The following DCAF17 variants were observed in gnomAD, a reference collection of about 807,000 sequenced individuals.
DCAF17 encodes the protein DDB1 and CUL4 associated factor 17.
Under a neutral mutation model 66.0 loss-of-function variants are expected in DCAF17, and 48 were observed. The ratio of observed to expected loss-of-function variants is 0.73; its 90% CI spans 0.58 to 0.92. DCAF17 has a LOEUF of 0.92. DCAF17 is among the 40% of genes least tolerant of loss of function. The probability of loss-of-function intolerance (pLI) is 0.00; values close to 1 mark genes in which losing one functional copy is unlikely to be tolerated. For missense variants in DCAF17, 562 were observed against 622.8 expected (o/e 0.90, Z 1.04); for synonymous variants, 206 against 214.6 (o/e 0.96, Z 0.35).
chr2:171,453,041 A>T, intron 5 of DCAF17, 83 bp from the exon 6 acceptor site: 1 of 939,450 alleles, frequency 1.1e-6, no homozygotes, highest in Non-Finnish European at 1.6e-6. Context: ...ATGCTAGAAC[A>T]GATGGATTTT....
Position 171,484,150 on chromosome 2 carries a change from GT to G in DCAF17, c.*3040del, listed in dbSNP as rs1230710920. ...TTTGTGGTGATAATCAGTATTAGTA[GT>G]TTTCATATTATTTGGCTTCCATATT... On this transcript the variant is annotated 3_prime_UTR_variant, in exon 14 of 14. Coordinates refer to ENST00000375255, the MANE Select transcript of DCAF17 (RefSeq NM_025000.4). The G allele has an allele frequency of 2.2e-6, 1 of 449,130 alleles. No individual in the cohort carries two copies. Among genetic ancestry groups the G allele is most frequent in the African/African-American group, 2.0e-5 (1 of 49,580 alleles). 27.8% of individuals were successfully genotyped at this position (449,130 alleles called of 1,614,324 possible).
At chr2:171,461,979 A>G (rs908705934) in intron 8 of DCAF17, among the ~76,000 whole-genome samples, 2 of 152,162 alleles carry the variant, frequency 1.3e-5, no homozygotes, top group Non-Finnish European at 2.9e-5. Flanking sequence ...ATGTTGTTGC[A>G]TGTATCTATA....
At chr2:171,476,128 T>C (rs561216195) in intron 10 of DCAF17, among the ~76,000 whole-genome samples, 1 of 151,598 alleles carries the variant, frequency 6.6e-6, no homozygotes. Context: ...TCTGGACACA[T>C]AGCTGCTTCT....
intron 8 of DCAF17, 30 bp from the exon 9 acceptor site, chr2:171,468,858 G>A (rs1244303885): frequency 1.9e-6 from 3 of 1,614,018 alleles, no homozygotes; most frequent in Non-Finnish European, 2.5e-6. Context: ...GAACAGTGCA[G>A]CTAATGAATT....
Position 171,434,255 on chromosome 2 carries a change from G to A in DCAF17, c.-323G>A, listed in dbSNP as rs754795856. 9 of 504,942 alleles carry A rather than the reference G, an allele frequency of 1.8e-5. No homozygotes were observed. The Admixed American group carries it at 1.8e-4, about 10-fold the overall frequency. The allele number at this position is 504,942 out of a possible 1,614,324, so 31.3% of individuals were successfully genotyped here. On this transcript the variant is annotated 5_prime_UTR_variant, in exon 1 of 14. Coordinates refer to ENST00000375255, the MANE Select transcript of DCAF17 (RefSeq NM_025000.4). ...AGCCGGGCTGCCTCACGAGGCACTA[G>A]GAACTACATTTCCCGGTGAGAGAGC...
intron 2 of DCAF17, among the ~76,000 whole-genome samples, chr2:171,437,410 A>G (rs963422511): frequency 6.6e-6 from 1 of 152,032 alleles, no homozygotes; most frequent in Admixed American, 6.6e-5. Flanking sequence ...ACACTTTTGG[A>G]TTTATTTCCG....
At chr2:171,445,671 A>G (rs772741400) in intron 3 of DCAF17, among the ~76,000 whole-genome samples, 5 of 152,092 alleles carry the variant, frequency 3.3e-5, no homozygotes, top group Non-Finnish European at 7.4e-5. Flanking sequence ...TATATTTTTT[A>G]AAACTTAAAT....
At chr2:171,466,010 A>G (rs976905771) in intron 8 of DCAF17, among the ~76,000 whole-genome samples, 1 of 151,840 alleles carries the variant, frequency 6.6e-6, no homozygotes, top group Non-Finnish European at 1.5e-5. Context: ...TTTACTTAAC[A>G]TGTATCTAAA....
In DCAF17 at chr2:171,457,960, C is replaced by T; in HGVS notation, c.628-11C>T. 6.2e-7 allele frequency: 1 copy of T among 1,602,646 alleles called. No homozygotes were observed. Among genetic ancestry groups the T allele is most frequent in the South Asian group, 1.1e-5 (1 of 90,880 alleles). On this transcript the variant is annotated splice_polypyrimidine_tract_variant and intron_variant, in intron 6 of 13. Coordinates refer to ENST00000375255, the MANE Select transcript of DCAF17 (RefSeq NM_025000.4). ...CTTTTCTCAGGTGATATCTGTCTTT[C>T]CCCCCGCCAGATTTTTGGGAACGTT...
intron 2 of DCAF17, among the ~76,000 whole-genome samples, chr2:171,439,728 C>T (rs62183492): frequency 6.6e-6 from 1 of 151,486 alleles, no homozygotes; most frequent in African/African-American, 2.4e-5. Flanking sequence ...AGGAGTTCGA[C>T]ACCAGCCTGG....
At chr2:171,436,633 A>ATT (rs79275087) in intron 2 of DCAF17, among the ~76,000 whole-genome samples, 229 of 144,590 alleles carry the variant, frequency 1.6e-3, no homozygotes, top group African/African-American at 5.5e-3. Flanking sequence ...CCACTTGTAA[A>ATT]TTTTTTTTTT....
intron 6 of DCAF17, among the ~76,000 whole-genome samples, chr2:171,456,595 A>G (rs1027633718): frequency 7.2e-5 from 11 of 152,206 alleles, no homozygotes; most frequent in African/African-American, 2.7e-4. Context: ...TTTGGCCAAT[A>G]TGGCCATTTT....
rs1350956940 is a variant in DCAF17, at chr2:171,434,366, C to T, written c.-212C>T. 7.3e-6 allele frequency: 6 copies of T among 824,290 alleles called. No individual in the cohort carries two copies. Among genetic ancestry groups the T allele is most frequent in the Admixed American group, 2.0e-5 (1 of 49,362 alleles). 51.1% of individuals were successfully genotyped at this position (824,290 alleles called of 1,614,324 possible). ...CAGATCGAAAAGGGAGTGCTTCTTC[C>T]CTTCTCTCCGCGCTCTGGCGGTGCA... On this transcript the variant is annotated 5_prime_UTR_variant, in exon 1 of 14. Transcript: ENST00000375255.
At position 171,455,963 on chromosome 2, in the gene DCAF17, GTCTGTTGAC is replaced by G. The variant is rs1328242216; in HGVS notation, c.628-1999_628-1991del. ...AAAATGTTCTTCCATACTGTAGGAT[GTCTGTTGAC>G]TCTGTTGATGGTTTCTTTTGCTGTG... On this transcript the variant is annotated intron_variant, in intron 6 of 13. Coordinates refer to ENST00000375255, the MANE Select transcript of DCAF17 (RefSeq NM_025000.4). Among the ~76,000 whole-genome samples, 25 of 152,062 alleles carry G rather than the reference GTCTGTTGAC, an allele frequency of 1.6e-4. 1 individual carries two copies. Among genetic ancestry groups the G allele is most frequent in the African/African-American group, 5.8e-4 (24 of 41,424 alleles).
At chr2:171,455,331 A>G (rs956755497) in intron 6 of DCAF17, among the ~76,000 whole-genome samples, 2 of 152,216 alleles carry the variant, frequency 1.3e-5, no homozygotes, top group African/African-American at 2.4e-5. Context: ...TGCAAAGGAC[A>G]TGATCTTGTT....
At position 171,477,970 on chromosome 2, in the gene DCAF17, T is replaced by A. The variant is rs1452523283; in HGVS notation, c.1183-17T>A. The A allele has an allele frequency of 3.1e-6, 5 of 1,605,372 alleles. No homozygotes were observed. Among genetic ancestry groups the A allele is most frequent in the Non-Finnish European group, 3.4e-6 (4 of 1,172,178 alleles). ...AATAGAACTTGTCATATCTTTTTATTTCTTTCCATATGATAGAATGAAAAT... is the reference window on the plus strand; with the variant it reads ...AATAGAACTTGTCATATCTTTTTATATCTTTCCATATGATAGAATGAAAAT... On this transcript the variant is annotated splice_polypyrimidine_tract_variant and intron_variant, in intron 11 of 13. Coordinates refer to ENST00000375255, the MANE Select transcript of DCAF17 (RefSeq NM_025000.4).
chr2:171,474,084 C>T, intron 10 of DCAF17, 109 bp downstream of exon 10: 3 of 882,424 alleles, frequency 3.4e-6, no homozygotes, highest in Middle Eastern at 2.3e-4. Flanking sequence ...AAATAATTAG[C>T]TTGTTGTTGG....
chr2:171,454,364 A>G (rs1012688650), intron 6 of DCAF17, among the ~76,000 whole-genome samples: 1 of 150,786 alleles, frequency 6.6e-6, no homozygotes, highest in African/African-American at 2.4e-5. Context: ...TGCCCACTGC[A>G]ATCTCTGCCT....
intron 9 of DCAF17, among the ~76,000 whole-genome samples, chr2:171,473,289 A>C (rs1404563847): frequency 6.6e-6 from 1 of 152,150 alleles, no homozygotes; most frequent in African/African-American, 2.4e-5. Context: ...TTGGAGTCAG[A>C]TCTGCTGTTT....
Sources: gnomAD v4.1 joint callset for allele counts (sites outside exome capture counted in the v4.1 genomes callset) on GRCh38, gnomAD v4.1.1 for gene constraint, MANE v1.5 for transcripts, NCBI Gene and HGNC (gene_info 2026-07-23, HGNC 2026-07-21) for gene names.